RAP1GAP2: variants seen among roughly 807,000 people sequenced by gnomAD.
RAP1GAP2 encodes rap1 GTPase-activating protein 2.
A neutral mutation model predicts 95.0 loss-of-function variants in RAP1GAP2; 27 were observed. The observed-to-expected ratio is 0.28, with a 90% CI of 0.21 to 0.39. The LOEUF (loss-of-function observed/expected upper bound fraction) is 0.39. Ranked by LOEUF, RAP1GAP2 falls within the 10% of genes least tolerant of loss-of-function variation. The probability of loss-of-function intolerance (pLI) is 1.00; values close to 1 mark genes in which losing one functional copy is unlikely to be tolerated. For synonymous variants in RAP1GAP2, 373 were observed against 380.9 expected, an observed-to-expected ratio of 0.98 and a Z score of 0.24; for missense variants, 771 against 970.0, an observed-to-expected ratio of 0.79 and a Z score of 2.72.
At chr17:3,022,760 G>A (rs893726190) in intron 19 of RAP1GAP2, among the ~76,000 whole-genome samples, 22 of 152,072 alleles carry the variant, frequency 1.4e-4, no homozygotes, top group Admixed American at 1.2e-3. Context: ...GTCTATTTTT[G>A]CTTTTGTTGT....
chr17:2,876,334 C>T (rs867310640), intron 2 of RAP1GAP2, among the ~76,000 whole-genome samples: 6 of 152,232 alleles, frequency 3.9e-5, no homozygotes, highest in Middle Eastern at 3.4e-3. Context: ...CCCAGGAGAT[C>T]CCGAGAACAA....
chr17:2,795,529 C>T (rs762318868), upstream of RAP1GAP2, among the ~76,000 whole-genome samples: 11 of 152,220 alleles, frequency 7.2e-5, no homozygotes, highest in African/African-American at 1.9e-4. Flanking sequence ...TACCGCCCCC[C>T]CACCCCACAC....
At chr17:3,020,102 G>A (rs1263399310) in intron 18 of RAP1GAP2, among the ~76,000 whole-genome samples, 1 of 152,218 alleles carries the variant, frequency 6.6e-6, no homozygotes, top group Non-Finnish European at 1.5e-5. Flanking sequence ...CAGCTTCCTT[G>A]CCGGTAAAGT....
intron 10 of RAP1GAP2, among the ~76,000 whole-genome samples, chr17:2,984,474 T>C (rs1291045905): frequency 2.6e-5 from 4 of 152,238 alleles, no homozygotes; most frequent in Admixed American, 2.6e-4. Flanking sequence ...ATTTCCTCTT[T>C]GCATATTGTA....
In RAP1GAP2 at chr17:2,902,335, G is replaced by A. The variant is rs968987736; in HGVS notation, c.81-2949G>A. On this transcript the variant is annotated intron_variant, in intron 2 of 24. Coordinates refer to ENST00000254695, the MANE Select transcript of RAP1GAP2 (RefSeq NM_015085.5). The surrounding 1 kb of genome is among the most constrained non-coding windows in gnomAD (Gnocchi z 4.1). Reference sequence around the variant, plus strand: ...GGGTTCAAGCGATTCTCTTGCCTCAGCCTCCCAAGTAGCTCGGATGACAGG... The same window carrying A: ...GGGTTCAAGCGATTCTCTTGCCTCAACCTCCCAAGTAGCTCGGATGACAGG... Among the ~76,000 whole-genome samples, 12 of 152,010 alleles carry A rather than the reference G, an allele frequency of 7.9e-5. No homozygotes were observed. The highest frequency in any genetic ancestry group is 2.9e-4 in the African/African-American group (12 of 41,386).
chr17:2,963,354 C>T lies in RAP1GAP2; in HGVS notation c.247-76C>T. ...GCCCCCCCACAACATATCCCCCTTG[C>T]AAGACCTGGAAACAGTGGTCAGACT... On this transcript the variant is annotated intron_variant, in intron 5 of 24. Coordinates refer to ENST00000254695, the MANE Select transcript of RAP1GAP2 (RefSeq NM_015085.5). This position sits in a 1 kb window ranked among gnomAD's most constrained non-coding sequence, Gnocchi z 4.8. The T allele has an allele frequency of 6.4e-7, 1 of 1,561,824 alleles. No individual in the cohort carries two copies. The highest frequency in any genetic ancestry group is 2.3e-5 in the East Asian group (1 of 44,306).
intron 1 of RAP1GAP2, among the ~76,000 whole-genome samples, chr17:2,764,679 C>T (rs1456535484): frequency 6.6e-6 from 1 of 152,098 alleles, no homozygotes; most frequent in East Asian, 1.9e-4. Flanking sequence ...TGAGATCATG[C>T]CACTGCACTC....
chr17:2,963,963 C>T lies in RAP1GAP2; in HGVS notation c.387C>T (p.Ser129=). 4 of 1,613,194 alleles carry T rather than the reference C, an allele frequency of 2.5e-6. No individual in the cohort carries two copies. The highest frequency in any genetic ancestry group is 3.4e-6 in the Non-Finnish European group (4 of 1,179,752). The part of the protein sequence containing the change: ...NVGTPTSLGS[S]ICEEEEEDNL... ...GCACCCCAACATCGCTGGGGAGCAG[C>T]ATCTGTGAGGAGGAGGAAGAGGACA... Residue 129 remains serine (S), a synonymous_variant, in exon 7 of 25, where the codon AGC becomes AGT. Transcript: ENST00000254695. This position sits in a 1 kb window ranked among gnomAD's most constrained non-coding sequence, Gnocchi z 4.8.
intron 3 of RAP1GAP2, among the ~76,000 whole-genome samples, chr17:2,913,983 G>C (rs920595225): frequency 1.3e-5 from 2 of 151,818 alleles, no homozygotes; most frequent in African/African-American, 4.8e-5. Context: ...GGATTCTCCT[G>C]CCTCAGCCTC....
chr17:3,037,011 A>T lies in RAP1GAP2; in HGVS notation c.*3650A>T, dbSNP rs558033530. ...CCCCTCGGCTCCTCCCCCAGCCTCT[A>T]GCTACCCTGTATCGAGGCAAGGGGA... is the stretch of plus-strand genomic sequence containing the variant. On this transcript the variant is annotated 3_prime_UTR_variant, in exon 25 of 25. Transcript: ENST00000254695. The T allele has an allele frequency of 6.5e-6, 1 of 152,830 alleles. No homozygotes were observed. Among genetic ancestry groups the T allele is most frequent in the South Asian group, 2.1e-4 (1 of 4,824 alleles). 9.5% of individuals were successfully genotyped at this position (152,830 alleles called of 1,614,324 possible). A position where few individuals can be genotyped will look rare whatever the true frequency, so the allele number is the denominator to read the frequency against.
intron 11 of RAP1GAP2, among the ~76,000 whole-genome samples, chr17:2,989,231 A>G (rs997909018): frequency 6.6e-6 from 1 of 152,212 alleles, no homozygotes; most frequent in Non-Finnish European, 1.5e-5. Context: ...GTGTAGTGGT[A>G]TCACCTTATG....
intron 19 of RAP1GAP2, among the ~76,000 whole-genome samples, chr17:3,022,206 T>C (rs1188902642): frequency 2.0e-5 from 3 of 152,244 alleles, no homozygotes; most frequent in African/African-American, 4.8e-5. Flanking sequence ...TGATAGCTTA[T>C]TGTGGTTCCC....
intron 19 of RAP1GAP2, among the ~76,000 whole-genome samples, chr17:3,023,374 C>T (rs986324613): frequency 6.6e-6 from 1 of 152,184 alleles, no homozygotes; most frequent in African/African-American, 2.4e-5. Context: ...TGCTACAAAA[C>T]ATATAAGCCT....
At chr17:2,830,568 G>T (rs1183765248) in intron 2 of RAP1GAP2, among the ~76,000 whole-genome samples, 1 of 151,932 alleles carries the variant, frequency 6.6e-6, no homozygotes, top group Admixed American at 6.6e-5. Context: ...ACAAAAATTA[G>T]CTGGGCGTGG....
chr17:2,972,829 G>A (rs2044929861), intron 8 of RAP1GAP2, among the ~76,000 whole-genome samples: 1 of 152,174 alleles, frequency 6.6e-6, no homozygotes, highest in East Asian at 1.9e-4. Flanking sequence ...TTCAGTGTTT[G>A]TTTACCCAAG....
chr17:2,901,555 T>C (rs952818823), intron 2 of RAP1GAP2, among the ~76,000 whole-genome samples: 1 of 152,172 alleles, frequency 6.6e-6, no homozygotes, highest in Admixed American at 6.6e-5. Flanking sequence ...GATAGATCCC[T>C]GTGGGTCACA....
intron 1 of RAP1GAP2, among the ~76,000 whole-genome samples, chr17:2,781,083 G>C (rs910855348): frequency 1.8e-4 from 27 of 152,344 alleles, no homozygotes; most frequent in African/African-American, 6.5e-4. Context: ...AACGATACAA[G>C]GCTGTGCCGA....
chr17:2,969,443 A>C (rs1182559382), intron 8 of RAP1GAP2, among the ~76,000 whole-genome samples: 2 of 149,206 alleles, frequency 1.3e-5, no homozygotes, highest in Non-Finnish European at 3.0e-5. Flanking sequence ...ACACACACAC[A>C]CACACAATAA....
At chr17:3,030,177 T>TATACACACACACACACAC (rs2047248441) in intron 22 of RAP1GAP2, among the ~76,000 whole-genome samples, 1 of 145,236 alleles carries the variant, frequency 6.9e-6, no homozygotes, top group Admixed American at 6.9e-5. Flanking sequence ...ATATATATTA[T>TATACACACACACACACAC]ACACACACAC....
Sources: allele counts gnomAD v4.1 joint callset (sites outside exome capture counted in the v4.1 genomes callset), GRCh38; gene constraint gnomAD v4.1.1; non-coding constraint Gnocchi (gnomAD v3.1); transcripts MANE v1.5; gene names NCBI Gene and HGNC (gene_info 2026-07-23, HGNC 2026-07-21).